FSTL4: variants seen among roughly 807,000 people sequenced by gnomAD.
The protein encoded by FSTL4 is follistatin-related protein 4.
A neutral mutation model predicts 78.2 loss-of-function variants in FSTL4; 28 were observed. The ratio of observed to expected loss-of-function variants is 0.36; its 90% confidence interval spans 0.27 to 0.49. The LOEUF (loss-of-function observed/expected upper bound fraction) is 0.49, where lower values mean the gene tolerates loss of function less well. Ranked by LOEUF, FSTL4 falls within the 20% of genes least tolerant of loss-of-function variation. The probability of loss-of-function intolerance (pLI) is 0.98; values close to 1 mark genes in which losing one functional copy is unlikely to be tolerated. For missense variants in FSTL4, 922 were observed against 1,084.9 expected, an observed-to-expected ratio of 0.85 and a Z score of 2.11; for synonymous variants, 422 against 440.5, an observed-to-expected ratio of 0.96 and a Z score of 0.53.
At chr5:133,672,138 G>C in the FSTL4 span, among the ~76,000 whole-genome samples, 1 of 152,214 alleles carries the variant, frequency 6.6e-6, no homozygotes, top group African/African-American at 2.4e-5. Flanking sequence ...ACTTGGTGAG[G>C]TTAAAGTTGA....
intron 14 of FSTL4, among the ~76,000 whole-genome samples, chr5:133,208,080 T>TC (rs1245510908): frequency 6.6e-6 from 1 of 152,212 alleles, no homozygotes; most frequent in Non-Finnish European, 1.5e-5. Context: ...CCTCTCCTCA[T>TC]CCATTTTACT....
chr5:133,791,749 C>T, the FSTL4 span, among the ~76,000 whole-genome samples: 1 of 152,246 alleles, frequency 6.6e-6, no homozygotes, highest in African/African-American at 2.4e-5. Context: ...AAATCCTAGG[C>T]CTCCGCCAAG....
chr5:133,801,674 C>T, the FSTL4 span, among the ~76,000 whole-genome samples: 3 of 152,240 alleles, frequency 2.0e-5, no homozygotes, highest in East Asian at 5.8e-4. Context: ...AGGGGTTCAG[C>T]CCAGGTGCAG....
the FSTL4 span, among the ~76,000 whole-genome samples, chr5:133,767,039 C>T: frequency 6.6e-6 from 1 of 152,150 alleles, no homozygotes; most frequent in African/African-American, 2.4e-5. Context: ...AGGAAAAGGT[C>T]ATTTGATGAC....
chr5:133,622,881 T>C, the FSTL4 span, among the ~76,000 whole-genome samples: 1 of 152,152 alleles, frequency 6.6e-6, no homozygotes, highest in African/African-American at 2.4e-5. Flanking sequence ...ACGGGTCTTC[T>C]GCAGAGCAAA....
At chr5:133,804,971 C>T in the FSTL4 span, among the ~76,000 whole-genome samples, 2 of 150,026 alleles carry the variant, frequency 1.3e-5, no homozygotes, top group Non-Finnish European at 3.0e-5. Flanking sequence ...AATAGAACTG[C>T]ACATGTTGGG....
chr5:133,620,713 C>T, the FSTL4 span, among the ~76,000 whole-genome samples: 1 of 152,202 alleles, frequency 6.6e-6, no homozygotes, highest in Non-Finnish European at 1.5e-5. Flanking sequence ...GTGTCCTCAT[C>T]TGCCTTCCTC....
intron 3 of FSTL4, among the ~76,000 whole-genome samples, chr5:133,502,560 A>G (rs751750731): frequency 6.6e-6 from 1 of 152,162 alleles, no homozygotes. Context: ...GTTCTCATGA[A>G]TGGGTTAGCA....
chr5:133,529,789 G>GT (rs1326777062), intron 3 of FSTL4, among the ~76,000 whole-genome samples: 1 of 151,858 alleles, frequency 6.6e-6, no homozygotes, highest in Non-Finnish European at 1.5e-5. Context: ...CTGTTGAATG[G>GT]TTTTTTGTAT....
At chr5:133,405,747 A>G (rs1327787263) in intron 3 of FSTL4, among the ~76,000 whole-genome samples, 2 of 152,188 alleles carry the variant, frequency 1.3e-5, no homozygotes, top group African/African-American at 4.8e-5. Flanking sequence ...CTCATTGCAG[A>G]AACCACCCAA....
At chr5:133,825,247 C>T in the FSTL4 span, among the ~76,000 whole-genome samples, 1 of 152,208 alleles carries the variant, frequency 6.6e-6, no homozygotes. Flanking sequence ...TTTTTCAGGA[C>T]TTCATAGTCA....
At chr5:133,298,885 G>A (rs1232163653) in intron 6 of FSTL4, among the ~76,000 whole-genome samples, 1 of 152,220 alleles carries the variant, frequency 6.6e-6, no homozygotes, top group Non-Finnish European at 1.5e-5. Context: ...TGGTGAGACT[G>A]AGGCCCCGGC....
At chr5:133,380,473 T>C (rs374830655) in intron 4 of FSTL4, among the ~76,000 whole-genome samples, 341 of 152,124 alleles carry the variant, frequency 2.2e-3, no homozygotes, top group African/African-American at 7.7e-3. Flanking sequence ...ACACAGACTA[T>C]TGAAAGTAAC....
At chr5:133,474,977 G>A (rs928799767) in intron 3 of FSTL4, among the ~76,000 whole-genome samples, 10 of 152,166 alleles carry the variant, frequency 6.6e-5, no homozygotes, top group African/African-American at 2.4e-4. Context: ...TCATCCTAAT[G>A]TTAGGTTCCC....
At chr5:133,798,828 C>A in the FSTL4 span, among the ~76,000 whole-genome samples, 1 of 152,110 alleles carries the variant, frequency 6.6e-6, no homozygotes, top group Non-Finnish European at 1.5e-5. Flanking sequence ...CTGCCTCCCC[C>A]ACCCTGAAGG....
chr5:133,282,820 C>T (rs1042901118), intron 6 of FSTL4, among the ~76,000 whole-genome samples: 23 of 152,196 alleles, frequency 1.5e-4, no homozygotes, highest in African/African-American at 4.8e-4. Flanking sequence ...CCTGAACTAC[C>T]GCTCTGAAAG....
At chr5:133,692,859 C>A in the FSTL4 span, among the ~76,000 whole-genome samples, 2 of 152,232 alleles carry the variant, frequency 1.3e-5, no homozygotes, top group African/African-American at 4.8e-5. Flanking sequence ...AGGGGGCCTG[C>A]TCTGACCTCT....
At chr5:133,564,089 G>A (rs187434304) in intron 3 of FSTL4, among the ~76,000 whole-genome samples, 314 of 152,234 alleles carry the variant, frequency 2.1e-3, no homozygotes, top group African/African-American at 7.3e-3. Flanking sequence ...AGCTCATGGT[G>A]TTTGCCAGCA....
chr5:133,287,201 A>T lies in FSTL4; in HGVS notation c.727+25453T>A, dbSNP rs186143560. Among the ~76,000 whole-genome samples the T allele has an allele frequency of 1.9e-3, 283 of 152,156 alleles. 2 individuals are homozygous for T. The highest frequency in any genetic ancestry group is 0.017 in the Admixed American group (259 of 15,284). On this transcript the variant is annotated intron_variant, in intron 6 of 15. Transcript: ENST00000265342. The stretch of plus-strand genomic sequence containing the variant: ...CAGGAGATCGAGACCATCCTGGCTA[A>T]CATGGTGAAACTCCGTCTCTACTAA...
Sources: gnomAD v4.1 joint callset for allele counts (sites outside exome capture counted in the v4.1 genomes callset) on GRCh38, gnomAD v4.1.1 for gene constraint, MANE v1.5 for transcripts, NCBI Gene and HGNC (gene_info 2026-07-23, HGNC 2026-07-21) for gene names.